Variants in MIA2 observed in about 807,000 individuals in gnomAD.
MIA2 encodes the protein melanoma inhibitory activity protein 2.
Under a neutral mutation model 167.8 loss-of-function variants are expected in MIA2, and 127 were observed. The observed-to-expected ratio is 0.76, with a 90% CI of 0.66 to 0.88. The LOEUF (loss-of-function observed/expected upper bound fraction) is 0.88, where lower values mean the gene tolerates loss of function less well. Ranked by LOEUF, MIA2 falls within the 40% of genes least tolerant of loss-of-function variation. The pLI, the probability that MIA2 is intolerant of heterozygous loss-of-function variation, is 0.00. For missense variants in MIA2, 1,690 were observed against 1,624.7 expected, an observed-to-expected ratio of 1.04 and a Z score of -0.69; for synonymous variants, 552 against 541.9, an observed-to-expected ratio of 1.02 and a Z score of -0.26.
chr14:39,383,955 G>A (rs569982318), intron 23 of MIA2, among the ~76,000 whole-genome samples: 1 of 152,358 alleles, frequency 6.6e-6, no homozygotes, highest in Admixed American at 6.5e-5. Flanking sequence ...GAATCAGCAG[G>A]TGCTGATGTA....
intron 21 of MIA2, among the ~76,000 whole-genome samples, chr14:39,315,947 G>A (rs1052123983): frequency 6.6e-6 from 1 of 152,138 alleles, no homozygotes; most frequent in Non-Finnish European, 1.5e-5. Context: ...TTCTTTGAAA[G>A]GAGTTTATAC....
At chr14:39,295,535 C>G (rs2061308397) in intron 13 of MIA2, among the ~76,000 whole-genome samples, 1 of 151,996 alleles carries the variant, frequency 6.6e-6, no homozygotes, top group Non-Finnish European at 1.5e-5. Context: ...TTACTCACAC[C>G]AGAGCCACAT....
rs776000548 is a variant in MIA2 at position 39,293,278 on chromosome 14, G to A, written c.2216G>A (p.Cys739Tyr). The change falls in exon 11 of 29, where the codon TGT becomes TAT. Residue 739 changes from cysteine to tyrosine, a missense_variant. Coordinates refer to ENST00000640607, the MANE Select transcript of MIA2 (RefSeq NM_001329214.4). ...ATEAQSLEAT[C>Y]EKLNRSNSEL... is the part of the protein sequence containing the mutation. Reference sequence around the variant, plus strand: ...GTTGGCTTTCTCTCTTAGGCAACCTGTGAAAAGCTGAACAGGTCCAATTCT... The same window carrying A: ...GTTGGCTTTCTCTCTTAGGCAACCTATGAAAAGCTGAACAGGTCCAATTCT... The A allele has an allele frequency of 2.5e-6, 4 of 1,609,238 alleles. No individual in the cohort carries two copies. The Admixed American group carries it at 6.7e-5, about 27-fold the overall frequency.
intron 23 of MIA2, among the ~76,000 whole-genome samples, chr14:39,375,111 G>C (rs1251219611): frequency 1.3e-5 from 1 of 75,910 alleles, no homozygotes; most frequent in Non-Finnish European, 2.7e-5. Context: ...CTGCTTGTTA[G>C]TAAGGGAGAA....
intron 23 of MIA2, among the ~76,000 whole-genome samples, chr14:39,379,042 G>T (rs1368600879): frequency 6.6e-6 from 1 of 151,996 alleles, no homozygotes; most frequent in Non-Finnish European, 1.5e-5. Context: ...GACAGCATAA[G>T]GCCAATTAAA....
At chr14:39,289,491 G>A (rs1341347648) in intron 9 of MIA2, among the ~76,000 whole-genome samples, 1 of 152,168 alleles carries the variant, frequency 6.6e-6, no homozygotes, top group African/African-American at 2.4e-5. Context: ...AGGATTACAG[G>A]TGTGAGCCAC....
At chr14:39,246,316 C>T (rs916113304) in intron 3 of MIA2, among the ~76,000 whole-genome samples, 2 of 151,556 alleles carry the variant, frequency 1.3e-5, no homozygotes, top group East Asian at 1.9e-4. Context: ...AGGCTGGTCT[C>T]GAACTCCTAA....
chr14:39,241,313 A>T (rs1481836236), intron 3 of MIA2, among the ~76,000 whole-genome samples: 1 of 152,210 alleles, frequency 6.6e-6, no homozygotes, highest in African/African-American at 2.4e-5. Context: ...GTCAGCGAGA[A>T]GTGAGTCTAT....
At chr14:39,251,803 T>G (rs1355966074) in intron 4 of MIA2, among the ~76,000 whole-genome samples, 1 of 152,184 alleles carries the variant, frequency 6.6e-6, no homozygotes, top group Non-Finnish European at 1.5e-5. Flanking sequence ...ATGTTAAGAC[T>G]CACAAGCTCA....
chr14:39,261,980 A>C (rs1185869607), intron 6 of MIA2, among the ~76,000 whole-genome samples: 1 of 152,162 alleles, frequency 6.6e-6, no homozygotes, highest in East Asian at 1.9e-4. Context: ...GCTGTGCAGA[A>C]GCTCTTTAGT....
chr14:39,324,822 G>C (rs1257118404), intron 24 of MIA2, among the ~76,000 whole-genome samples: 2 of 152,068 alleles, frequency 1.3e-5, no homozygotes, highest in East Asian at 3.9e-4. Flanking sequence ...GGCCAGGCTG[G>C]TTTCGAACTC....
chr14:39,275,074 CAA>C (rs35503467), intron 6 of MIA2, among the ~76,000 whole-genome samples: 10 of 51,954 alleles, frequency 1.9e-4, no homozygotes, highest in Non-Finnish European at 3.9e-4. Flanking sequence ...GACTCCGTCT[CAA>C]AAAAAAAAAA....
Position 39,247,848 on chromosome 14 carries a change from AAGAAAT to A in MIA2, c.1280_1285del (p.Ile427_Glu428del), listed in dbSNP as rs751807364. The A allele has an allele frequency of 3.0e-4, 470 of 1,588,314 alleles. No individual in the cohort carries two copies. The highest frequency in any genetic ancestry group is 3.8e-4 in the Non-Finnish European group (448 of 1,173,870). On this transcript the variant is annotated inframe_deletion, in exon 4 of 29. Coordinates refer to ENST00000640607, the MANE Select transcript of MIA2 (RefSeq NM_001329214.4). ...AGTGAATTAGACCCTGAAAAAGAACAAGAAATAGAAACGATAAAAATTATAGAAACA... is the reference window on the plus strand; with the variant it reads ...AGTGAATTAGACCCTGAAAAAGAACAAGAAACGATAAAAATTATAGAAACA...
rs192394941 is a variant in MIA2 at position 39,287,027 on chromosome 14, T to C, written c.2131-3992T>C. Among the ~76,000 whole-genome samples the C allele has an allele frequency of 6.4e-4, 97 of 151,822 alleles. No homozygotes were observed. The East Asian group carries it at 0.017, about 26-fold the overall frequency. On this transcript the variant is annotated intron_variant, in intron 9 of 28. Coordinates refer to ENST00000640607, the MANE Select transcript of MIA2 (RefSeq NM_001329214.4). The stretch of plus-strand genomic sequence containing the variant: ...AGGCGTGAGCTACCATGCCAGGCCT[T>C]TTATTTCTTTTTCTTGTCTAATTGC...
At chr14:39,246,079 A>C (rs1024887394) in intron 3 of MIA2, among the ~76,000 whole-genome samples, 3 of 57,352 alleles carry the variant, frequency 5.2e-5, no homozygotes, top group African/African-American at 1.6e-4. Flanking sequence ...TATTTTTAAA[A>C]ATTTTTATTT....
intron 25 of MIA2, among the ~76,000 whole-genome samples, chr14:39,331,883 C>A (rs1018382851): frequency 2.0e-5 from 3 of 152,082 alleles, no homozygotes; most frequent in African/African-American, 7.2e-5. Context: ...CTGCCCTTAA[C>A]GTTTTTTCCT....
At chr14:39,381,439 T>C (rs1359562341) in intron 23 of MIA2, among the ~76,000 whole-genome samples, 1 of 152,184 alleles carries the variant, frequency 6.6e-6, no homozygotes, top group Non-Finnish European at 1.5e-5. Context: ...ATATTTTAGC[T>C]GGGACAAATT....
intron 6 of MIA2, among the ~76,000 whole-genome samples, chr14:39,260,980 CTTGT>C (rs1468120010): frequency 6.6e-6 from 1 of 151,676 alleles, no homozygotes; most frequent in African/African-American, 2.4e-5. Flanking sequence ...TTCCCCGTTT[CTTGT>C]TTTTTTTTCT....
At chr14:39,342,679 A>T (rs2072240609) in intron 25 of MIA2, among the ~76,000 whole-genome samples, 2 of 152,136 alleles carry the variant, frequency 1.3e-5, no homozygotes, top group Non-Finnish European at 2.9e-5. Flanking sequence ...TTTGCTTCAG[A>T]TATATATGTG....
Sources: allele counts gnomAD v4.1 joint callset (sites outside exome capture counted in the v4.1 genomes callset), GRCh38; gene constraint gnomAD v4.1.1; transcripts MANE v1.5; gene names NCBI Gene and HGNC (gene_info 2026-07-23, HGNC 2026-07-21).